ARB2A: variants seen among roughly 807,000 people sequenced by gnomAD.
The protein encoded by ARB2A is ARB2 cotranscriptional regulator A.
the ARB2A span, among the ~76,000 whole-genome samples, chr5:94,011,671 T>C: frequency 6.6e-6 from 1 of 152,026 alleles, no homozygotes; most frequent in African/African-American, 2.4e-5. Context: ...CTTAACTTCC[T>C]GGTAGCTGGT....
the ARB2A span, among the ~76,000 whole-genome samples, chr5:94,103,503 AC>A: frequency 1.3e-5 from 2 of 152,128 alleles, no homozygotes; most frequent in Non-Finnish European, 2.9e-5. Flanking sequence ...ACATTGGAGC[AC>A]CCAGATTCAT....
At chr5:93,725,456 T>C in the ARB2A span, among the ~76,000 whole-genome samples, 3 of 152,022 alleles carry the variant, frequency 2.0e-5, no homozygotes, top group African/African-American at 7.2e-5. Flanking sequence ...AACAAGAGCA[T>C]TGTAAGAATT....
chr5:93,830,297 A>ATATGTGTGTGTGTGTG, the ARB2A span, among the ~76,000 whole-genome samples: 4 of 9,736 alleles, frequency 4.1e-4, no homozygotes, highest in Admixed American at 5.3e-3. Flanking sequence ...ATATGTATAT[A>ATATGTGTGTGTGTGTG]TATGTGTGTG....
At chr5:93,696,814 C>A in the ARB2A span, among the ~76,000 whole-genome samples, 1 of 152,016 alleles carries the variant, frequency 6.6e-6, no homozygotes, top group Non-Finnish European at 1.5e-5. Context: ...GTAATCCCAG[C>A]ACTTCGGGAG....
At chr5:94,051,811 A>G in the ARB2A span, among the ~76,000 whole-genome samples, 1 of 152,038 alleles carries the variant, frequency 6.6e-6, no homozygotes, top group East Asian at 1.9e-4. Flanking sequence ...ATTAATCTAC[A>G]TTTATTTTTA....
the ARB2A span, among the ~76,000 whole-genome samples, chr5:93,706,822 C>A: frequency 4.0e-5 from 6 of 149,540 alleles, no homozygotes; most frequent in Admixed American, 2.7e-4. Context: ...GCTGAGATTG[C>A]GCCACTGCAC....
the ARB2A span, chr5:93,741,379 C>G: frequency 6.2e-7 from 1 of 1,612,404 alleles, no homozygotes; most frequent in African/African-American, 1.3e-5. Context: ...CAGGGGAATC[C>G]TCCACACGTC....
At chr5:93,682,503 GTTT>G in the ARB2A span, among the ~76,000 whole-genome samples, 1 of 133,096 alleles carries the variant, frequency 7.5e-6, no homozygotes. Flanking sequence ...TAGGCAAAAA[GTTT>G]TTTTTTTTTT....
the ARB2A span, among the ~76,000 whole-genome samples, chr5:94,029,747 T>G: frequency 7.3e-4 from 111 of 152,340 alleles, no homozygotes; most frequent in African/African-American, 2.6e-3. Context: ...TGTGCAAATA[T>G]TCTATTCCTT....
the ARB2A span, among the ~76,000 whole-genome samples, chr5:93,779,852 A>C: frequency 6.6e-6 from 1 of 152,160 alleles, no homozygotes; most frequent in Non-Finnish European, 1.5e-5. Flanking sequence ...TGTAACATCC[A>C]AAATTTGGGG....
the ARB2A span, among the ~76,000 whole-genome samples, chr5:93,679,876 A>G: frequency 2.0e-5 from 3 of 152,170 alleles, no homozygotes; most frequent in Admixed American, 1.3e-4. Flanking sequence ...GAGAGGAGTT[A>G]GTAAGAATCT....
At chr5:93,973,165 G>A in the ARB2A span, among the ~76,000 whole-genome samples, 1 of 104,358 alleles carries the variant, frequency 9.6e-6, no homozygotes, top group African/African-American at 3.7e-5. Flanking sequence ...TGGCCAGGCT[G>A]GTCTTGAACT....
the ARB2A span, among the ~76,000 whole-genome samples, chr5:93,912,939 T>C: frequency 6.6e-6 from 1 of 151,928 alleles, no homozygotes; most frequent in South Asian, 2.1e-4. Context: ...CATATTACTT[T>C]GGAAAATTTA....
chr5:93,932,096 A>G, the ARB2A span, among the ~76,000 whole-genome samples: 15,624 of 152,162 alleles, frequency 0.1, 1,167 homozygotes, highest in South Asian at 0.33. Flanking sequence ...CCATTTTACC[A>G]TTGGTGGAAT....
chr5:93,941,036 T>C, the ARB2A span, among the ~76,000 whole-genome samples: 1 of 152,164 alleles, frequency 6.6e-6, no homozygotes, highest in Admixed American at 6.6e-5. Flanking sequence ...CTTTAATGTT[T>C]TGAATTTAAA....
the ARB2A span, chr5:93,824,178 G>A: frequency 6.3e-7 from 1 of 1,596,224 alleles, no homozygotes; most frequent in African/African-American, 1.3e-5. Flanking sequence ...CTCCATAGCT[G>A]TGAGCAACGA....
chr5:93,718,223 C>T, the ARB2A span, among the ~76,000 whole-genome samples: 1 of 151,938 alleles, frequency 6.6e-6, no homozygotes, highest in Admixed American at 6.6e-5. Flanking sequence ...GGGCAGATCA[C>T]GAGGTCAAGA....
chr5:94,013,240 G>A, the ARB2A span, among the ~76,000 whole-genome samples: 3 of 145,988 alleles, frequency 2.1e-5, no homozygotes, highest in African/African-American at 5.1e-5. Flanking sequence ...ATGCAGTGGC[G>A]CAATCTCAGC....
the ARB2A span, among the ~76,000 whole-genome samples, chr5:94,029,927 T>C: frequency 5.3e-5 from 8 of 152,190 alleles, no homozygotes; most frequent in African/African-American, 1.4e-4. Flanking sequence ...CAGTTCCACA[T>C]GGCGGGGGAG....
Sources: allele counts gnomAD v4.1 joint callset (sites outside exome capture counted in the v4.1 genomes callset), GRCh38; gene constraint gnomAD v4.1.1; transcripts MANE v1.5; gene names NCBI Gene and HGNC (gene_info 2026-07-23, HGNC 2026-07-21).